Variants in EPC2 observed in about 807,000 individuals in gnomAD.
The protein encoded by EPC2 is enhancer of polycomb 2, also known as enhancer of polycomb homolog 2.
In EPC2, 14 loss-of-function variants were observed where a neutral mutation model predicts 92.1. That is an observed-to-expected ratio of 0.15 (90% CI 0.10 to 0.24). EPC2 has a LOEUF of 0.24. Ranked by LOEUF, EPC2 falls within the 10% of genes least tolerant of loss-of-function variation. The pLI, the probability that EPC2 is intolerant of heterozygous loss-of-function variation, is 1.00. For missense variants in EPC2, 755 were observed against 971.5 expected (o/e 0.78, Z 2.96); for synonymous variants, 340 against 334.7 (o/e 1.02, Z -0.17).
Position 148,656,024 on chromosome 2 carries a change from TGG to T in EPC2, c.153+10867_153+10868del, listed in dbSNP as rs71411354. On this transcript the variant is annotated intron_variant, in intron 1 of 13. Coordinates refer to ENST00000258484, the MANE Select transcript of EPC2 (RefSeq NM_015630.4). ...AGCTGTGTGTGTGTGTGTGTGTGTGTGGGGGGGGGGGGGGTTATTCTAGAAAA... is the reference window on the plus strand; with the variant it reads ...AGCTGTGTGTGTGTGTGTGTGTGTGTGGGGGGGGGGGGTTATTCTAGAAAA... Among the ~76,000 whole-genome samples, 114 of 111,714 alleles carry T rather than the reference TGG, an allele frequency of 1.0e-3. 1 individual carries two copies. Among genetic ancestry groups the T allele is most frequent in the African/African-American group, 1.7e-3 (41 of 24,844 alleles). The allele number at this position is 111,714 out of a possible 152,430, so 73.3% of individuals were successfully genotyped here.
At chr2:148,682,179 CAT>C (rs1425771256) in intron 1 of EPC2, among the ~76,000 whole-genome samples, 2 of 152,312 alleles carry the variant, frequency 1.3e-5, no homozygotes, top group Admixed American at 6.5e-5. Flanking sequence ...CCGCAGTAAA[CAT>C]ATGTGTGCAT....
chr2:148,712,616 G>A (rs1682170286), intron 2 of EPC2, among the ~76,000 whole-genome samples: 1 of 152,202 alleles, frequency 6.6e-6, no homozygotes, highest in Admixed American at 6.5e-5. Context: ...CAGGCCAGGT[G>A]TGGTGGCTCA....
intron 2 of EPC2, among the ~76,000 whole-genome samples, chr2:148,738,968 G>A (rs1682822173): frequency 2.0e-5 from 3 of 152,154 alleles, no homozygotes; most frequent in Non-Finnish European, 4.4e-5. Flanking sequence ...GTCAGCCCCT[G>A]TGCTTACCAT....
Position 148,645,129 on chromosome 2 carries a change from G to T in EPC2, c.112G>T (p.Val38Leu). 6.2e-7 allele frequency: 1 copy of T among 1,609,940 alleles called. No individual in the cohort carries two copies. The highest frequency in any genetic ancestry group is 8.5e-7 in the Non-Finnish European group (1 of 1,178,226). The change falls in exon 1 of 14, where the codon GTG becomes TTG. Residue 38 changes from valine to leucine, a missense_variant. By Grantham distance (32) the Val-to-Leu change is conservative. Transcript: ENST00000258484. ...LNDCVSINRA[V>L]PQMPTGMEKE... Reference sequence around the variant, plus strand: ...CGACTGCGTCTCCATCAACCGGGCCGTGCCCCAGATGCCCACCGGGATGGA... The same window carrying T: ...CGACTGCGTCTCCATCAACCGGGCCTTGCCCCAGATGCCCACCGGGATGGA...
chr2:148,709,885 A>G (rs1468298063), intron 2 of EPC2, among the ~76,000 whole-genome samples: 1 of 152,272 alleles, frequency 6.6e-6, no homozygotes, highest in Non-Finnish European at 1.5e-5. Context: ...ACCTAAAACC[A>G]TAAAAACCCT....
chr2:148,703,570 T>C (rs553823282), intron 2 of EPC2, among the ~76,000 whole-genome samples: 4 of 152,140 alleles, frequency 2.6e-5, no homozygotes, highest in Non-Finnish European at 5.9e-5. Flanking sequence ...ACTGTGTTGC[T>C]CAGGCTGGAG....
intron 1 of EPC2, among the ~76,000 whole-genome samples, chr2:148,658,855 A>G (rs761906253): frequency 1.5e-4 from 23 of 151,906 alleles, no homozygotes; most frequent in Non-Finnish European, 2.2e-4. Flanking sequence ...TATGATTATT[A>G]TAGTTTTATT....
chr2:148,755,717 C>T (rs1448789510), intron 4 of EPC2, among the ~76,000 whole-genome samples: 1 of 152,180 alleles, frequency 6.6e-6, no homozygotes, highest in Non-Finnish European at 1.5e-5. Context: ...ATTTGTGCAA[C>T]AAAGAAATTG....
chr2:148,658,939 G>C (rs1420480529), intron 1 of EPC2, among the ~76,000 whole-genome samples: 1 of 151,862 alleles, frequency 6.6e-6, no homozygotes, highest in Non-Finnish European at 1.5e-5. Flanking sequence ...TGGGGAACTT[G>C]GGTTTTGCAG....
At chr2:148,738,317 A>G (rs986471477) in intron 2 of EPC2, among the ~76,000 whole-genome samples, 1 of 152,236 alleles carries the variant, frequency 6.6e-6, no homozygotes, top group Non-Finnish European at 1.5e-5. Context: ...GATCCCACAG[A>G]TACCCTGTGG....
chr2:148,683,224 T>C (rs1436567455), intron 1 of EPC2, among the ~76,000 whole-genome samples: 1 of 152,066 alleles, frequency 6.6e-6, no homozygotes, highest in Non-Finnish European at 1.5e-5. Flanking sequence ...CTTTTATCCC[T>C]TAATCCCCTC....
intron 1 of EPC2, among the ~76,000 whole-genome samples, chr2:148,651,875 A>ATT (rs1680694305): frequency 6.6e-6 from 1 of 152,168 alleles, no homozygotes; most frequent in Non-Finnish European, 1.5e-5. Flanking sequence ...AACTTTAGAA[A>ATT]TTAAGTAACT....
At chr2:148,677,049 A>G (rs1025459502) in intron 1 of EPC2, among the ~76,000 whole-genome samples, 2 of 152,138 alleles carry the variant, frequency 1.3e-5, no homozygotes, top group African/African-American at 2.4e-5. Flanking sequence ...ACCTCTGTCT[A>G]CCCTTTCCCC....
chr2:148,696,829 G>A (rs1379232063), intron 2 of EPC2, among the ~76,000 whole-genome samples: 1 of 152,172 alleles, frequency 6.6e-6, no homozygotes, highest in African/African-American at 2.4e-5. Flanking sequence ...TACCTTAAGA[G>A]ACTAAAGGAA....
At chr2:148,680,272 G>T (rs1368108131) in intron 1 of EPC2, among the ~76,000 whole-genome samples, 1 of 152,138 alleles carries the variant, frequency 6.6e-6, no homozygotes, top group Non-Finnish European at 1.5e-5. Context: ...GGTTTGACTA[G>T]TTGAGATTGG....
intron 2 of EPC2, among the ~76,000 whole-genome samples, chr2:148,731,308 G>A (rs1380322081): frequency 6.6e-6 from 1 of 152,120 alleles, no homozygotes; most frequent in African/African-American, 2.4e-5. Context: ...CAAAATAATC[G>A]CCTTTAGAAA....
chr2:148,753,854 C>T, intron 3 of EPC2, 73 bp from the exon 4 acceptor site: 2 of 1,334,880 alleles, frequency 1.5e-6, no homozygotes, highest in Admixed American at 2.4e-5. Context: ...GCATTTTTTT[C>T]TACAGCCATA....
chr2:148,655,409 T>C (rs1574562923), intron 1 of EPC2, among the ~76,000 whole-genome samples: 3 of 152,336 alleles, frequency 2.0e-5, no homozygotes, highest in Admixed American at 2.0e-4. Flanking sequence ...GAAATAAAGT[T>C]ATCAAAATAA....
intron 2 of EPC2, among the ~76,000 whole-genome samples, chr2:148,717,188 C>T (rs1257280857): frequency 7.7e-6 from 1 of 130,378 alleles, no homozygotes; most frequent in Non-Finnish European, 1.6e-5. Flanking sequence ...CTCCTGGATT[C>T]ATTGATTTTT....
Sources: allele counts gnomAD v4.1 joint callset (sites outside exome capture counted in the v4.1 genomes callset), GRCh38; gene constraint gnomAD v4.1.1; transcripts MANE v1.5; gene names NCBI Gene and HGNC (gene_info 2026-07-23, HGNC 2026-07-21).